The following VPS13A variants were observed in gnomAD, a reference collection of about 807,000 sequenced individuals.
VPS13A encodes the protein intermembrane lipid transfer protein VPS13A.
In VPS13A, 264 loss-of-function variants were observed where a neutral mutation model predicts 390.9. The observed-to-expected ratio is 0.68, with a 90% CI of 0.61 to 0.75. VPS13A has a LOEUF of 0.75. Among genes scored for constraint, VPS13A ranks in the 30% least tolerant of loss-of-function variants. VPS13A has a pLI of 0.00. For missense variants in VPS13A, 3,409 were observed against 3,733.9 expected (o/e 0.91, Z 2.27); for synonymous variants, 1,231 against 1,227.1 (o/e 1.00, Z -0.07).
chr9:77,391,989 A>G (rs1250827757), intron 68 of VPS13A, among the ~76,000 whole-genome samples: 1 of 152,222 alleles, frequency 6.6e-6, no homozygotes, highest in Non-Finnish European at 1.5e-5. Flanking sequence ...CTCATCTCTC[A>G]TGAGTTTATA....
At chr9:77,223,829 T>G (rs1248745159) in intron 13 of VPS13A, among the ~76,000 whole-genome samples, 1 of 152,174 alleles carries the variant, frequency 6.6e-6, no homozygotes, top group Non-Finnish European at 1.5e-5. Context: ...AGATTTTCAG[T>G]GTAGATGTAA....
chr9:77,227,555 C>T, intron 16 of VPS13A, 70 bp downstream of exon 16: 2 of 1,248,944 alleles, frequency 1.6e-6, no homozygotes, highest in Non-Finnish European at 2.3e-6. Context: ...CAGGGTCTCA[C>T]TCTGTTGCCC....
intron 23 of VPS13A, among the ~76,000 whole-genome samples, chr9:77,261,704 C>A (rs1273034997): frequency 6.6e-6 from 1 of 152,018 alleles, no homozygotes; most frequent in Non-Finnish European, 1.5e-5. Flanking sequence ...CCCATCTCAG[C>A]CTCCCAAGTA....
At chr9:77,332,698 C>G (rs960644322) in intron 46 of VPS13A, among the ~76,000 whole-genome samples, 1 of 152,042 alleles carries the variant, frequency 6.6e-6, no homozygotes, top group African/African-American at 2.4e-5. Flanking sequence ...AAGTATTAGT[C>G]AAGATATGTA....
intron 46 of VPS13A, among the ~76,000 whole-genome samples, chr9:77,336,083 C>A (rs139673646): frequency 6.6e-6 from 1 of 152,236 alleles, no homozygotes; most frequent in Non-Finnish European, 1.5e-5. Context: ...GGAAACCATT[C>A]TCAGCAAACT....
chr9:77,365,680 TTAAAC>T, intron 60 of VPS13A, 107 bp downstream of exon 60: 1 of 682,918 alleles, frequency 1.5e-6, no homozygotes, highest in Middle Eastern at 4.1e-4. Context: ...AAATATACAA[TTAAAC>T]TAAGTAACAA....
Position 77,321,085 on chromosome 9 carries a change from C to G in VPS13A, c.5416-84C>G. The G allele has an allele frequency of 2.4e-6, 3 of 1,260,322 alleles. No individual in the cohort carries two copies. In the South Asian group the frequency reaches 3.9e-5, roughly 16 times the overall value. 78.1% of individuals were successfully genotyped at this position (1,260,322 alleles called of 1,614,324 possible). On this transcript the variant is annotated intron_variant, in intron 42 of 71. Coordinates refer to ENST00000360280, the MANE Select transcript of VPS13A (RefSeq NM_033305.3). ...ATTAGAAAAGATAAAATGTACTGAC[C>G]TTTCTAATGTTGGTATTGGGATTTG...
chr9:77,412,841 T>C lies in VPS13A; in HGVS notation c.9475-3115T>C, dbSNP rs566259619. On this transcript the variant is annotated intron_variant, in intron 71 of 71. Coordinates refer to ENST00000360280, the MANE Select transcript of VPS13A (RefSeq NM_033305.3). ...TTTGCAGATGACATGATTGTATATC[T>C]AGAAAACCCCATCGTCTCAGCCCCA... Among the ~76,000 whole-genome samples the C allele has an allele frequency of 1.6e-4, 24 of 152,292 alleles. No individual in the cohort carries two copies. The South Asian group carries it at 3.7e-3, about 24-fold the overall frequency.
chr9:77,253,146 GT>G (rs1405630326), intron 22 of VPS13A, among the ~76,000 whole-genome samples: 1 of 151,934 alleles, frequency 6.6e-6, no homozygotes, highest in Non-Finnish European at 1.5e-5. Flanking sequence ...GGTATTTTCT[GT>G]TTTTTTATTT....
intron 31 of VPS13A, 101 bp downstream of exon 31, chr9:77,283,751 AT>A: frequency 1.1e-6 from 1 of 944,158 alleles, no homozygotes; most frequent in Non-Finnish European, 1.6e-6. Flanking sequence ...ATTTAGTAGT[AT>A]GGCTTATTAT....
chr9:77,303,507 A>G (rs35339941), intron 34 of VPS13A, among the ~76,000 whole-genome samples: 3,280 of 152,302 alleles, frequency 0.022, 79 homozygotes, highest in African/African-American at 0.061. Flanking sequence ...AGACACAGAG[A>G]CAAAGTATAG....
At position 77,383,284 on chromosome 9, in the gene VPS13A, G is replaced by A. The variant is rs150867835; in HGVS notation, c.9189+1197G>A. Among the ~76,000 whole-genome samples the A allele has an allele frequency of 3.9e-3, 586 of 152,064 alleles. 2 individuals carry two copies. Among genetic ancestry groups the A allele is most frequent in the Non-Finnish European group, 5.7e-3 (384 of 67,890 alleles). ...AGTGATTTTATACTGTATTTAAAATGTTTTTGAAGCATCAAAATCATTGTA... is the reference window on the plus strand; with the variant it reads ...AGTGATTTTATACTGTATTTAAAATATTTTTGAAGCATCAAAATCATTGTA... On this transcript the variant is annotated intron_variant, in intron 68 of 71. Transcript: ENST00000360280.
chr9:77,205,259 CAGGTTGAAGGAGTAATATTT>C, intron 3 of VPS13A, 34 bp from the exon 4 acceptor site: 1 of 953,024 alleles, frequency 1.0e-6, no homozygotes, highest in Non-Finnish European at 1.6e-6. Context: ...ACCATAAATG[CAGGTTGAAGGAGTAATATTT>C]TTTGTCCTTT....
At position 77,254,238 on chromosome 9, in the gene VPS13A, C is replaced by T. The variant is rs149967958; in HGVS notation, c.2288+1886C>T. Reference sequence around the variant, plus strand: ...GATTACAGGCGTGAGCCACTGCTCCCGGCCTTATTCTTTTGCATGCAAATA... The same window carrying T: ...GATTACAGGCGTGAGCCACTGCTCCTGGCCTTATTCTTTTGCATGCAAATA... On this transcript the variant is annotated intron_variant, in intron 22 of 71. Transcript: ENST00000360280. 3.5e-4 allele frequency among the ~76,000 whole-genome samples: 53 copies of T among 152,192 alleles called. No homozygotes were observed. The East Asian group carries it at 8.5e-3, about 24-fold the overall frequency.
chr9:77,312,832 C>A (rs1250397319), intron 35 of VPS13A, among the ~76,000 whole-genome samples: 1 of 152,120 alleles, frequency 6.6e-6, no homozygotes, highest in African/African-American at 2.4e-5. Context: ...TCACATACGA[C>A]TGATAGGAAT....
chr9:77,196,186 T>A (rs1200249746), intron 1 of VPS13A, among the ~76,000 whole-genome samples: 2 of 152,208 alleles, frequency 1.3e-5, no homozygotes, highest in Admixed American at 1.3e-4. Context: ...TCTTTTATAA[T>A]TTTACAATTT....
Position 77,260,235 on chromosome 9 carries a change from T to G in VPS13A, c.2427+11T>G. On this transcript the variant is annotated intron_variant, in intron 23 of 71. Transcript: ENST00000360280. ...GTCAAATCATTCCAGGTAATGTTAC[T>G]TTCAAAATTAATATAAGCATGAATT... 1 of 1,612,106 alleles carries G rather than the reference T, an allele frequency of 6.2e-7. No homozygotes were observed. Among genetic ancestry groups the G allele is most frequent in the Non-Finnish European group, 8.5e-7 (1 of 1,178,950 alleles).
chr9:77,229,393 A>G (rs1040407753), intron 17 of VPS13A, among the ~76,000 whole-genome samples: 1 of 151,810 alleles, frequency 6.6e-6, no homozygotes. Context: ...TATGTTAACA[A>G]CTCCCAAAGA....
At chr9:77,336,397 TATC>T (rs1830538579) in intron 46 of VPS13A, among the ~76,000 whole-genome samples, 1 of 151,944 alleles carries the variant, frequency 6.6e-6, no homozygotes. Context: ...TAAAGTAAAA[TATC>T]ATACTGATGT....
Sources: allele counts gnomAD v4.1 joint callset (sites outside exome capture counted in the v4.1 genomes callset), GRCh38; gene constraint gnomAD v4.1.1; transcripts MANE v1.5; gene names NCBI Gene and HGNC (gene_info 2026-07-23, HGNC 2026-07-21).